TM6SF1: variants seen among roughly 807,000 people sequenced by gnomAD.
TM6SF1 encodes transmembrane 6 superfamily member 1.
A neutral mutation model predicts 47.1 loss-of-function variants in TM6SF1; 43 were observed. The observed-to-expected ratio is 0.91, with a 90% CI of 0.72 to 1.18. The LOEUF (loss-of-function observed/expected upper bound fraction) is 1.18, where lower values mean the gene tolerates loss of function less well. TM6SF1 is among the 50% of genes most tolerant of loss of function. The pLI is 0.00. For missense variants in TM6SF1, 390 were observed against 449.0 expected (o/e 0.87, Z 1.19); for synonymous variants, 177 against 166.3 (o/e 1.06, Z -0.49).
intron 3 of TM6SF1, 106 bp from the exon 4 acceptor site, chr15:83,119,472 T>G: frequency 8.7e-7 from 1 of 1,143,454 alleles, no homozygotes; most frequent in South Asian, 1.4e-5. Flanking sequence ...TCTTAGCAGA[T>G]GAACACAAGT....
intron 1 of TM6SF1, among the ~76,000 whole-genome samples, chr15:83,110,650 A>G (rs1031542567): frequency 6.6e-6 from 1 of 151,988 alleles, no homozygotes; most frequent in Non-Finnish European, 1.5e-5. Context: ...TCACCATTAA[A>G]ATGCCTGTCA....
intron 2 of TM6SF1, 129 bp from the exon 3 acceptor site, chr15:83,115,716 A>G (rs1259351667): frequency 1.4e-6 from 1 of 739,142 alleles, no homozygotes; most frequent in Non-Finnish European, 2.4e-6. Flanking sequence ...CTGTTAGTCT[A>G]TCTCGATAAT....
chr15:83,110,945 A>C (rs1157488518), intron 1 of TM6SF1, among the ~76,000 whole-genome samples: 3 of 152,176 alleles, frequency 2.0e-5, no homozygotes, highest in African/African-American at 7.2e-5. Flanking sequence ...ATCTTGGCTC[A>C]CTGCAGCCTC....
Position 83,107,742 on chromosome 15 carries a change from A to G in TM6SF1, c.62A>G (p.Tyr21Cys), listed in dbSNP as rs1195404672. The part of the protein sequence containing the change: ...VLSLSAIPVT[Y>C]VFNHLAAQHD... ...TCCCTCTCGGCCATCCCGGTCACCT[A>G]TGTCTTCAACCACCTGGCGGCCCAG... Residue 21 changes from tyrosine to cysteine, a missense_variant, in exon 1 of 10, where the codon TAT (tyrosine) becomes TGT (cysteine). By Grantham distance (194) the Tyr-to-Cys change is radical. Coordinates refer to ENST00000322019, the MANE Select transcript of TM6SF1 (RefSeq NM_023003.5). The surrounding 1 kb of genome is among the most constrained non-coding windows in gnomAD (Gnocchi z 5.6). The G allele has an allele frequency of 2.5e-6, 4 of 1,583,550 alleles. No individual in the cohort carries two copies. The highest frequency in any genetic ancestry group is 3.5e-5 in the Admixed American group (2 of 56,664).
chr15:83,118,492 C>T (rs930161451), intron 3 of TM6SF1, among the ~76,000 whole-genome samples: 2 of 152,164 alleles, frequency 1.3e-5, no homozygotes. Context: ...CAGAGCAAGT[C>T]CAAGAGAAGG....
intron 8 of TM6SF1, 50 bp downstream of exon 8, chr15:83,126,897 A>T (rs2035804417): frequency 3.4e-6 from 5 of 1,476,942 alleles, no homozygotes; most frequent in Admixed American, 1.8e-5. Context: ...TTTTCTTTTT[A>T]AAAAATGGGT....
chr15:83,122,084 A>G (rs2035309399), intron 5 of TM6SF1, 81 bp downstream of exon 5: 4 of 1,099,420 alleles, frequency 3.6e-6, no homozygotes, highest in African/African-American at 3.2e-5. Flanking sequence ...TCTTTTAGTT[A>G]TAATAGAACC....
chr15:83,111,403 TCATC>T (rs1422767677), intron 1 of TM6SF1, among the ~76,000 whole-genome samples: 2 of 151,924 alleles, frequency 1.3e-5, no homozygotes, highest in African/African-American at 2.4e-5. Context: ...CATTCACCCA[TCATC>T]CATCCATCCA....
intron 9 of TM6SF1, chr15:83,132,937 C>T (rs2036354354): frequency 1.3e-5 from 2 of 152,190 alleles, no homozygotes; most frequent in South Asian, 4.1e-4. Flanking sequence ...TCAAGAGAAT[C>T]TAAAAACAAA....
rs1302802512 is a variant in TM6SF1, at chr15:83,119,617, T to G, written c.334T>G (p.Cys112Gly). Residue 112 changes from cysteine (C) to glycine (G), a missense_variant, in exon 4 of 10, where the codon TGC becomes GGC. Coordinates refer to ENST00000322019, the MANE Select transcript of TM6SF1 (RefSeq NM_023003.5). ...GAACACCGCATATGGGCACATGATC[T>G]GCTACTGGGATGGCTCTGCTCATTA... ...YLNTAYGHMI[C>G]YWDGSAHYLM... 1 of 1,614,122 alleles carries G rather than the reference T, an allele frequency of 6.2e-7. No individual in the cohort carries two copies. The highest frequency in any genetic ancestry group is 1.3e-5 in the African/African-American group (1 of 74,946).
At chr15:83,133,534 G>A (rs958614977) in intron 9 of TM6SF1, 7 of 152,186 alleles carry the variant, frequency 4.6e-5, no homozygotes, top group African/African-American at 1.7e-4. Flanking sequence ...AAATGATTTA[G>A]AATGAAGTGG....
At chr15:83,117,819 T>A (rs541748850) in intron 3 of TM6SF1, among the ~76,000 whole-genome samples, 1 of 152,152 alleles carries the variant, frequency 6.6e-6, no homozygotes, top group East Asian at 1.9e-4. Flanking sequence ...AGAATCTTTA[T>A]CTGGCAGGAG....
intron 3 of TM6SF1, among the ~76,000 whole-genome samples, chr15:83,116,159 G>A (rs1385374760): frequency 6.6e-6 from 1 of 152,142 alleles, no homozygotes; most frequent in Non-Finnish European, 1.5e-5. Flanking sequence ...CAGCTCTCAC[G>A]GCTTCTCTCA....
At chr15:83,127,062 C>T (rs1295734107) in intron 8 of TM6SF1, among the ~76,000 whole-genome samples, 1 of 151,916 alleles carries the variant, frequency 6.6e-6, no homozygotes, top group Non-Finnish European at 1.5e-5. Flanking sequence ...GGCATGGTGG[C>T]ACATGCCTGT....
intron 4 of TM6SF1, among the ~76,000 whole-genome samples, chr15:83,120,864 C>G (rs927614052): frequency 1.3e-5 from 2 of 151,438 alleles, no homozygotes; most frequent in African/African-American, 4.9e-5. Flanking sequence ...CCGTGCCCGG[C>G]TCCAGCTCAT....
intron 7 of TM6SF1, 152 bp from the exon 8 acceptor site, chr15:83,126,603 A>G (rs761657462): frequency 2.2e-5 from 13 of 597,858 alleles, no homozygotes; most frequent in Non-Finnish European, 3.5e-5. Flanking sequence ...CAAATCTGCA[A>G]AATATTTCCA....
At chr15:83,111,532 C>T (rs1029412611) in intron 1 of TM6SF1, 16 of 790,796 alleles carry the variant, frequency 2.0e-5, no homozygotes, top group Non-Finnish European at 2.5e-5. Context: ...CTATTTGTTC[C>T]CCCCTTCCCT....
intron 2 of TM6SF1, chr15:83,113,863 G>A (rs2151338837): frequency 6.6e-6 from 1 of 152,388 alleles, no homozygotes; most frequent in South Asian, 2.1e-4. Context: ...TGGCTGAGAT[G>A]AGGCATAGGG....
intron 3 of TM6SF1, among the ~76,000 whole-genome samples, chr15:83,118,110 T>C (rs2034848327): frequency 6.6e-6 from 1 of 152,080 alleles, no homozygotes. Context: ...GCCTGTAATC[T>C]CAGTGCTTTG....
Sources: allele counts gnomAD v4.1 joint callset (sites outside exome capture counted in the v4.1 genomes callset), GRCh38; gene constraint gnomAD v4.1.1; non-coding constraint Gnocchi (gnomAD v3.1); transcripts MANE v1.5; gene names NCBI Gene and HGNC (gene_info 2026-07-23, HGNC 2026-07-21).